CACNB2: variants seen among roughly 807,000 people sequenced by gnomAD.
CACNB2 encodes calcium voltage-gated channel auxiliary subunit beta 2, also known as voltage-dependent L-type calcium channel subunit beta-2.
A neutral mutation model predicts 73.3 loss-of-function variants in CACNB2; 42 were observed. The observed-to-expected ratio is 0.57, with a 90% CI of 0.45 to 0.74. The LOEUF (loss-of-function observed/expected upper bound fraction) is 0.74. CACNB2 is among the 30% of genes least tolerant of loss of function. The pLI is 0.00. For missense variants in CACNB2, 940 were observed against 853.0 expected, an observed-to-expected ratio of 1.10 and a Z score of -1.27; for synonymous variants, 348 against 310.3, an observed-to-expected ratio of 1.12 and a Z score of -1.28.
At chr10:18,325,599 GTCTTTTTTCTTTCTTTCCTTTCTCTT>G (rs2040553751) in intron 2 of CACNB2, among the ~76,000 whole-genome samples, 1 of 137,498 alleles carries the variant, frequency 7.3e-6, no homozygotes, top group Non-Finnish European at 1.6e-5. Context: ...CTCTTTCTCT[GTCTTTTTTCTTTCTTTCCTTTCTCTT>G]TCTTTCCTTC....
chr10:18,383,441 T>C (rs371754562), intron 2 of CACNB2, among the ~76,000 whole-genome samples: 5 of 152,276 alleles, frequency 3.3e-5, no homozygotes, highest in African/African-American at 1.2e-4. Context: ...GTGACTTGAC[T>C]AGGGTTGTGG....
At chr10:18,405,924 C>G (rs570994664) in intron 3 of CACNB2, among the ~76,000 whole-genome samples, 3 of 151,748 alleles carry the variant, frequency 2.0e-5, no homozygotes, top group African/African-American at 7.3e-5. Flanking sequence ...CTTGCTCTCA[C>G]GTGTGCAACA....
chr10:18,164,755 T>C (rs2032725652), intron 2 of CACNB2, among the ~76,000 whole-genome samples: 1 of 152,124 alleles, frequency 6.6e-6, no homozygotes, highest in Non-Finnish European at 1.5e-5. Flanking sequence ...AGAATAACTC[T>C]GGATTTAGGA....
chr10:18,518,336 A>G lies in CACNB2; in HGVS notation c.805A>G (p.Thr269Ala), dbSNP rs1267778674. Residue 269 changes from threonine (T) to alanine (A), a missense_variant and splice_region_variant, in exon 8 of 14, where the codon ACA becomes GCA. Transcript: ENST00000324631. ...KEKRMPFFKK[T>A]EHTPPYDVVP... is the part of the protein sequence containing the mutation. ...CTAAAAGCCTCTCCTCTCTCTGCAGACAGAGCACACTCCTCCGTATGATGT... is the reference window on the plus strand; with the variant it reads ...CTAAAAGCCTCTCCTCTCTCTGCAGGCAGAGCACACTCCTCCGTATGATGT... 2.5e-6 allele frequency: 4 copies of G among 1,610,590 alleles called. No individual in the cohort carries two copies. The highest frequency in any genetic ancestry group is 3.4e-6 in the Non-Finnish European group (4 of 1,176,890).
At chr10:18,346,832 A>G (rs1038159407) in intron 2 of CACNB2, among the ~76,000 whole-genome samples, 1 of 151,202 alleles carries the variant, frequency 6.6e-6, no homozygotes, top group East Asian at 2.0e-4. Flanking sequence ...CCTGAGCTCA[A>G]GTGATCCACC....
intron 2 of CACNB2, 93 bp downstream of exon 2, chr10:18,151,068 AG>A (rs2031513617): frequency 2.4e-6 from 2 of 824,390 alleles, no homozygotes; most frequent in Admixed American, 1.8e-5. Flanking sequence ...AGATTTATGT[AG>A]TATGATTGTA....
chr10:18,381,429 G>A (rs2043012263), intron 2 of CACNB2, among the ~76,000 whole-genome samples: 1 of 152,068 alleles, frequency 6.6e-6, no homozygotes, highest in African/African-American at 2.4e-5. Flanking sequence ...CGTGGCTCAT[G>A]CCTGTAACCC....
chr10:18,183,146 A>G (rs1164389018), intron 2 of CACNB2, among the ~76,000 whole-genome samples: 1 of 152,084 alleles, frequency 6.6e-6, no homozygotes, highest in Non-Finnish European at 1.5e-5. Flanking sequence ...TCTCATCTGT[A>G]AAACGCAGAT....
intron 3 of CACNB2, among the ~76,000 whole-genome samples, chr10:18,443,498 A>G (rs540318088): frequency 6.6e-4 from 100 of 152,196 alleles, no homozygotes; most frequent in Non-Finnish European, 1.1e-3. Flanking sequence ...GTTTCCTGAG[A>G]GGCATAAGGG....
intron 2 of CACNB2, chr10:18,340,818 A>G: frequency 6.2e-7 from 1 of 1,610,752 alleles, no homozygotes; most frequent in Middle Eastern, 1.7e-4. Context: ...AGCAGTTGCT[A>G]TGCTGTTCAG....
intron 3 of CACNB2, among the ~76,000 whole-genome samples, chr10:18,480,840 A>G (rs192949881): frequency 1.3e-5 from 2 of 152,302 alleles, no homozygotes; most frequent in African/African-American, 4.8e-5. Context: ...AGACGTAAAC[A>G]CTTTTTCTAA....
chr10:18,260,389 T>G, intron 2 of CACNB2: 8 of 971,718 alleles, frequency 8.2e-6, no homozygotes, highest in Non-Finnish European at 9.8e-6. Flanking sequence ...CGGATCAAAT[T>G]CGCCTTCCAG....
intron 2 of CACNB2, among the ~76,000 whole-genome samples, chr10:18,300,345 A>T (rs143576488): frequency 6.6e-6 from 1 of 152,222 alleles, no homozygotes; most frequent in African/African-American, 2.4e-5. Context: ...ATATCTCTGT[A>T]TGTCTGTTGC....
intron 2 of CACNB2, among the ~76,000 whole-genome samples, chr10:18,238,999 A>G (rs919255874): frequency 1.3e-5 from 2 of 152,186 alleles, no homozygotes; most frequent in East Asian, 1.9e-4. Flanking sequence ...ATTTGATGGC[A>G]GCTGGAACCC....
At chr10:18,208,808 C>T (rs1189995811) in intron 2 of CACNB2, among the ~76,000 whole-genome samples, 4 of 148,818 alleles carry the variant, frequency 2.7e-5, no homozygotes, top group East Asian at 3.9e-4. Flanking sequence ...AAGGGCTGAG[C>T]GGTAGAAGAT....
intron 3 of CACNB2, among the ~76,000 whole-genome samples, chr10:18,416,191 T>C (rs11593522): frequency 0.4 from 60,661 of 151,912 alleles, 12,876 homozygotes; most frequent in East Asian, 0.79. Flanking sequence ...TTTTCCACTC[T>C]TTATCTCCAT....
At chr10:18,463,259 C>G (rs538796279) in intron 3 of CACNB2, among the ~76,000 whole-genome samples, 1 of 152,042 alleles carries the variant, frequency 6.6e-6, no homozygotes, top group African/African-American at 2.4e-5. Context: ...CATGGTGGCT[C>G]ACACCTGTAA....
At chr10:18,220,937 T>G (rs1263480073) in intron 2 of CACNB2, among the ~76,000 whole-genome samples, 1 of 152,146 alleles carries the variant, frequency 6.6e-6, no homozygotes, top group East Asian at 1.9e-4. Flanking sequence ...GGACCACTAA[T>G]GTAGAGGGCC....
chr10:18,348,546 C>G (rs2041570423), intron 2 of CACNB2, among the ~76,000 whole-genome samples: 1 of 152,086 alleles, frequency 6.6e-6, no homozygotes, highest in Non-Finnish European at 1.5e-5. Context: ...CAGAGTCTTG[C>G]TCTGTCACCC....
Sources: allele counts gnomAD v4.1 joint callset (sites outside exome capture counted in the v4.1 genomes callset), GRCh38; gene constraint gnomAD v4.1.1; transcripts MANE v1.5; gene names NCBI Gene and HGNC (gene_info 2026-07-23, HGNC 2026-07-21).